The following AIM2 variants were observed in gnomAD, a reference collection of about 807,000 sequenced individuals.
AIM2 encodes interferon-inducible protein AIM2.
In AIM2, 30 loss-of-function variants were observed where a neutral mutation model predicts 27.7. The ratio of observed to expected loss-of-function variants is 1.08; its 90% CI spans 0.81 to 1.47. The LOEUF is 1.47. Ranked by LOEUF, AIM2 falls within the 40% of genes most tolerant of loss-of-function variation. AIM2 has a pLI of 0.00. For missense variants in AIM2, 358 were observed against 411.3 expected, an observed-to-expected ratio of 0.87 and a Z score of 1.12; for synonymous variants, 141 against 145.3, an observed-to-expected ratio of 0.97 and a Z score of 0.21.
intron 1 of AIM2, among the ~76,000 whole-genome samples, chr1:159,111,806 A>AC (rs1429481278): frequency 6.9e-6 from 1 of 144,326 alleles, no homozygotes; most frequent in Non-Finnish European, 1.5e-5. Context: ...AAAAAAAAAA[A>AC]AAAAAAAACT....
rs754631449 is a variant in AIM2, at chr1:159,066,310, A to G, written c.416T>C (p.Val139Ala). The part of the protein sequence containing the change: ...PHVKPEQKQM[V>A]AQQESIREGF... ...TTCTCTGATAGATTCCTGCTGGGCC[A>G]CCATCTGTTTCTGTTCAGGCTGAAG... The change falls in exon 4 of 6, where the codon GTG (valine) becomes GCG (alanine). Residue 139 changes from valine (V) to alanine (A), a missense_variant. By Grantham distance (64) the Val-to-Ala change is moderately conservative. Coordinates refer to ENST00000368130, the MANE Select transcript of AIM2 (RefSeq NM_004833.3). 1.2e-6 allele frequency: 2 copies of G among 1,612,812 alleles called. No individual in the cohort carries two copies. The highest frequency in any genetic ancestry group is 1.7e-6 in the Non-Finnish European group (2 of 1,179,508).
chr1:159,129,846 A>G (rs1047861729), intron 1 of AIM2, among the ~76,000 whole-genome samples: 1 of 152,166 alleles, frequency 6.6e-6, no homozygotes, highest in East Asian at 1.9e-4. Flanking sequence ...ATTCCCTGTC[A>G]AACAAACCAC....
intron 1 of AIM2, among the ~76,000 whole-genome samples, chr1:159,117,470 T>TAA (rs920193180): frequency 2.4e-4 from 36 of 152,268 alleles, no homozygotes; most frequent in African/African-American, 8.4e-4. Flanking sequence ...GATTTTTTTA[T>TAA]AAAACAGAGA....
chr1:159,077,508 G>T (rs951652971), upstream of AIM2, among the ~76,000 whole-genome samples: 3 of 152,218 alleles, frequency 2.0e-5, no homozygotes, highest in African/African-American at 7.2e-5. Context: ...ACCAGTTGCG[G>T]CCAGTTTCTT....
intron 1 of AIM2, among the ~76,000 whole-genome samples, 184 bp downstream of exon 1, chr1:159,076,449 C>T (rs1247872939): frequency 6.6e-6 from 1 of 152,168 alleles, no homozygotes; most frequent in Non-Finnish European, 1.5e-5. Flanking sequence ...CTCAGAGACA[C>T]CAGAGGACAT....
chr1:159,062,620 G>C lies in AIM2; in HGVS notation c.*72C>G, dbSNP rs546874346. Reference sequence around the variant, plus strand: ...TCAGGTAACTTACAATCTGATTGAAGAGGCTGTATCACATATTCTTCAATT... The same window carrying C: ...TCAGGTAACTTACAATCTGATTGAACAGGCTGTATCACATATTCTTCAATT... On this transcript the variant is annotated 3_prime_UTR_variant, in exon 6 of 6. Transcript: ENST00000368130. The C allele has an allele frequency of 7.1e-7, 1 of 1,417,864 alleles. No homozygotes were observed. The highest frequency in any genetic ancestry group is 1.4e-5 in the African/African-American group (1 of 70,212). The allele number at this position is 1,417,864 out of a possible 1,614,324, so 87.8% of individuals were successfully genotyped here. A position where few individuals can be genotyped will look rare whatever the true frequency, so the allele number is the denominator to read the frequency against.
chr1:159,073,301 G>T lies in AIM2; in HGVS notation c.199C>A (p.Arg67Ser). The part of the protein sequence containing the change: ...GAVSAVMKTI[R>S]IFQKLNYMLL... Reference sequence around the variant, plus strand: ...ATATAATTCAACTTCTGAAAAATACGAATGGTCTTCATCACTGCAGACACC... The same window carrying T: ...ATATAATTCAACTTCTGAAAAATACTAATGGTCTTCATCACTGCAGACACC... Residue 67 changes from arginine (R) to serine (S), a missense_variant, in exon 2 of 6, where the codon CGT (arginine) becomes AGT (serine). Transcript: ENST00000368130. 6.2e-7 allele frequency: 1 copy of T among 1,614,136 alleles called. No individual in the cohort carries two copies. The highest frequency in any genetic ancestry group is 1.7e-5 in the Admixed American group (1 of 60,018).
At chr1:159,145,251 C>T (rs1466092143), upstream of AIM2, among the ~76,000 whole-genome samples, 1 of 152,268 alleles carries the variant, frequency 6.6e-6, no homozygotes, top group South Asian at 2.1e-4. Context: ...GACATACATA[C>T]CCACAATGCA....
rs2101964449 is a variant in AIM2 at position 159,064,780 on chromosome 1, A to G, written c.817-1106T>C. ...GCGCCCAGCCTGAAGAGAGCTATTT[A>G]AAACAAGTCCAGGAGAGACATGAGG... On this transcript the variant is annotated intron_variant, in intron 4 of 5. Transcript: ENST00000368130. Among the ~76,000 whole-genome samples, 4 of 152,320 alleles carry G rather than the reference A, an allele frequency of 2.6e-5. No individual in the cohort carries two copies. In the South Asian group the frequency reaches 8.3e-4, roughly 32 times the overall value.
At chr1:159,083,119 G>A (rs1338948639) in intron 1 of AIM2, among the ~76,000 whole-genome samples, 1 of 151,796 alleles carries the variant, frequency 6.6e-6, no homozygotes, top group African/African-American at 2.4e-5. Context: ...GCATAAAGAA[G>A]GAATCTAAAC....
rs190105359 is a variant in AIM2 at position 159,109,743 on chromosome 1, T to C, written c.-16+30688A>G. ...AAAAAAATTCCATCAAAAAGTGGGA[T>C]AAGGATATGAATAGACAATTCTCAA... On this transcript the variant is annotated intron_variant, in intron 1 of 2. Coordinates refer to the AIM2 transcript ENST00000368129. 2.3e-3 allele frequency among the ~76,000 whole-genome samples: 350 copies of C among 151,892 alleles called. 1 individual carries two copies. Among genetic ancestry groups the C allele is most frequent in the Admixed American group, 4.4e-3 (67 of 15,262 alleles).
chr1:159,089,042 A>G (rs922171406), intron 1 of AIM2, among the ~76,000 whole-genome samples: 68 of 152,300 alleles, frequency 4.5e-4, no homozygotes, highest in African/African-American at 1.5e-3. Context: ...ATTACATCTT[A>G]CTTCCCTCCT....
chr1:159,063,427 A>T, intron 5 of AIM2, 59 bp downstream of exon 5: 2 of 1,515,964 alleles, frequency 1.3e-6, no homozygotes, highest in Non-Finnish European at 1.8e-6. Flanking sequence ...CGGCTTTCTG[A>T]TAGAAAACAA....
chr1:159,070,214 A>G (rs1267922170), intron 2 of AIM2, among the ~76,000 whole-genome samples: 1 of 152,152 alleles, frequency 6.6e-6, no homozygotes, highest in Non-Finnish European at 1.5e-5. Flanking sequence ...TGTAAGAAAA[A>G]TATCTACTTT....
intron 1 of AIM2, among the ~76,000 whole-genome samples, chr1:159,129,599 A>G (rs1396498196): frequency 6.6e-6 from 1 of 152,196 alleles, no homozygotes; most frequent in Non-Finnish European, 1.5e-5. Flanking sequence ...CCTTATCTCA[A>G]AAAAACAGGA....
chr1:159,095,622 T>C (rs140979731), intron 1 of AIM2, among the ~76,000 whole-genome samples: 149 of 152,268 alleles, frequency 9.8e-4, no homozygotes, highest in African/African-American at 3.3e-3. Flanking sequence ...CTGTCTGATA[T>C]AGAAAATGTA....
At chr1:159,142,973 C>T (rs1648140730), upstream of AIM2, among the ~76,000 whole-genome samples, 1 of 152,150 alleles carries the variant, frequency 6.6e-6, no homozygotes, top group African/African-American at 2.4e-5. Flanking sequence ...TCAGATATCC[C>T]TCCTTCTCCC....
intron 1 of AIM2, among the ~76,000 whole-genome samples, chr1:159,137,690 G>A (rs1327745733): frequency 6.6e-6 from 1 of 152,144 alleles, no homozygotes; most frequent in African/African-American, 2.4e-5. Context: ...CTATGTGTTG[G>A]TATCTGAGCT....
chr1:159,098,735 T>C (rs1657253505), intron 1 of AIM2, among the ~76,000 whole-genome samples: 1 of 152,220 alleles, frequency 6.6e-6, no homozygotes, highest in Non-Finnish European at 1.5e-5. Context: ...AGATTGTTTG[T>C]TTAACAAACA....
Sources: gnomAD v4.1 joint callset for allele counts (sites outside exome capture counted in the v4.1 genomes callset) on GRCh38, gnomAD v4.1.1 for gene constraint, MANE v1.5 for transcripts, NCBI Gene and HGNC (gene_info 2026-07-23, HGNC 2026-07-21) for gene names.